The following C16orf96 variants were observed in gnomAD, a reference collection of about 807,000 sequenced individuals.
C16orf96 encodes the protein uncharacterized protein C16orf96.
C16orf96 carries 108 observed loss-of-function variants against 103.6 expected under a neutral mutation model. The observed-to-expected ratio is 1.04, with a 90% confidence interval of 0.89 to 1.22. The LOEUF is 1.22. C16orf96 is among the 50% of genes most tolerant of loss of function. The probability of loss-of-function intolerance (pLI) is 0.00; values close to 1 mark genes in which losing one functional copy is unlikely to be tolerated. For synonymous variants in C16orf96, 566 were observed against 593.5 expected (o/e 0.95, Z 0.67); for missense variants, 1,586 against 1,464.2 (o/e 1.08, Z -1.36).
intron 9 of C16orf96, among the ~76,000 whole-genome samples, chr16:4,591,370 C>T (rs894957376): frequency 8.6e-5 from 13 of 152,032 alleles, no homozygotes; most frequent in Non-Finnish European, 1.8e-4. Context: ...TGTCTCAGAC[C>T]GCCCAGCCTG....
At position 4,577,261 on chromosome 16, in the gene C16orf96, G is replaced by C. The variant is rs570828384; in HGVS notation, c.2155+626G>C. 3.3e-5 allele frequency among the ~76,000 whole-genome samples: 5 copies of C among 152,332 alleles called. No homozygotes were observed. The South Asian group carries it at 1.0e-3, about 32-fold the overall frequency. ...AACAGTATTGTATTGGCTAAGCATG[G>C]TGACTCATGCCTGTAATCTTAGCAC... On this transcript the variant is annotated intron_variant, in intron 5 of 15. Coordinates refer to ENST00000444310, the MANE Select transcript of C16orf96 (RefSeq NM_001145011.2).
chr16:4,599,076 G>A (rs1387560438), intron 14 of C16orf96, among the ~76,000 whole-genome samples: 1 of 151,560 alleles, frequency 6.6e-6, no homozygotes, highest in East Asian at 1.9e-4. Context: ...TCCAGCCTAG[G>A]TGACAGAGCG....
intron 14 of C16orf96, among the ~76,000 whole-genome samples, chr16:4,599,001 C>T (rs568815225): frequency 1.3e-5 from 2 of 151,888 alleles, no homozygotes; most frequent in African/African-American, 4.8e-5. Context: ...CACCTGTAGT[C>T]CCAGCTACTC....
At position 4,580,319 on chromosome 16, in the gene C16orf96, C is replaced by CCA. The variant is rs371005389; in HGVS notation, c.2352+194_2352+195insCA. ...GCAAACGAATCCCACCACCCCCCCC[C>CCA]ACCCATATAAACAGAAGGGCCGGGA... On this transcript the variant is annotated intron_variant, in intron 7 of 15. Coordinates refer to ENST00000444310, the MANE Select transcript of C16orf96 (RefSeq NM_001145011.2). Among the ~76,000 whole-genome samples the CCA allele has an allele frequency of 9.7e-5, 13 of 134,596 alleles. No homozygotes were observed. The East Asian group carries it at 1.7e-3, about 17-fold the overall frequency. The allele number at this position is 134,596 out of a possible 152,430, so 88.3% of individuals were successfully genotyped here. A position where few individuals can be genotyped will look rare whatever the true frequency, so the allele number is the denominator to read the frequency against.
intron 8 of C16orf96, 87 bp from the exon 9 acceptor site, chr16:4,588,080 G>A: frequency 7.5e-7 from 1 of 1,337,664 alleles, no homozygotes; most frequent in Non-Finnish European, 1.0e-6. Flanking sequence ...CAAACTAGAA[G>A]CATCAGACCC....
chr16:4,593,322 C>T lies in C16orf96; in HGVS notation c.2867+6C>T. 1 of 1,550,008 alleles carries T rather than the reference C, an allele frequency of 6.5e-7. No homozygotes were observed. The highest frequency in any genetic ancestry group is 8.7e-7 in the Non-Finnish European group (1 of 1,146,610). The stretch of plus-strand genomic sequence containing the variant: ...TTGCAGCGGCAACAGATGAGGTGAG[C>T]AGGATGGGCGCCCCGCAGGGAGGCC... On this transcript the variant is annotated splice_donor_region_variant and intron_variant, in intron 12 of 15. Transcript: ENST00000444310. This position sits in a 1 kb window ranked among gnomAD's most constrained non-coding sequence, Gnocchi z 4.2.
chr16:4,539,603 T>C, the C16orf96 span, among the ~76,000 whole-genome samples: 1 of 152,118 alleles, frequency 6.6e-6, no homozygotes, highest in Non-Finnish European at 1.5e-5. Flanking sequence ...AAAAATTGCT[T>C]GAACCCGAGA....
intron 7 of C16orf96, among the ~76,000 whole-genome samples, chr16:4,581,250 G>A (rs993342142): frequency 4.9e-5 from 7 of 143,930 alleles, no homozygotes; most frequent in East Asian, 2.1e-4. Flanking sequence ...CAGGAGAATC[G>A]CTTGAACCCG....
intron 1 of C16orf96, among the ~76,000 whole-genome samples, chr16:4,566,185 C>A (rs747498959): frequency 6.6e-6 from 1 of 152,142 alleles, no homozygotes; most frequent in Non-Finnish European, 1.5e-5. Context: ...GTTTTCATTT[C>A]TTTTGGGAAT....
rs562579464 is a variant in C16orf96 at position 4,557,745 on chromosome 16, C to A, written c.420+836C>A. 1.8e-3 allele frequency among the ~76,000 whole-genome samples: 270 copies of A among 152,226 alleles called. 1 individual carries two copies. Among genetic ancestry groups the A allele is most frequent in the African/African-American group, 6.1e-3 (252 of 41,528 alleles). On this transcript the variant is annotated intron_variant, in intron 1 of 15. Transcript: ENST00000444310. ...AGTGCAGTGACTCAGTCATGGCTCA[C>A]TGTAGCCTCGACCTCCCAGACTCAA...
upstream of C16orf96, among the ~76,000 whole-genome samples, chr16:4,552,656 G>A (rs1247152203): frequency 6.6e-6 from 1 of 152,064 alleles, no homozygotes; most frequent in Admixed American, 6.6e-5. Context: ...CTTGTGCATG[G>A]TGTATGTCAA....
At chr16:4,539,553 C>G in the C16orf96 span, among the ~76,000 whole-genome samples, 1 of 152,190 alleles carries the variant, frequency 6.6e-6, no homozygotes, top group South Asian at 2.1e-4. Context: ...GGTATGGTGG[C>G]ACGCACCTGT....
chr16:4,599,261 T>G (rs1897236613), intron 14 of C16orf96, 23 bp from the exon 15 acceptor site: 4 of 1,548,952 alleles, frequency 2.6e-6, no homozygotes, highest in Middle Eastern at 3.3e-4. Context: ...CACCCACACC[T>G]GTCTCTTTTC....
chr16:4,599,720 G>A (rs558187991), intron 15 of C16orf96, among the ~76,000 whole-genome samples: 21 of 152,324 alleles, frequency 1.4e-4, no homozygotes, highest in African/African-American at 3.6e-4. Flanking sequence ...ACCTCATCCC[G>A]ACTCCTGTGA....
intron 2 of C16orf96, among the ~76,000 whole-genome samples, 195 bp from the exon 3 acceptor site, chr16:4,574,514 G>GCC (rs1450517777): frequency 6.6e-6 from 1 of 152,192 alleles, no homozygotes; most frequent in African/African-American, 2.4e-5. Context: ...GAGACACTGT[G>GCC]CCCGGCCTGA....
chr16:4,587,148 C>T (rs1215876611), intron 8 of C16orf96, 35 bp downstream of exon 8: 8 of 1,523,304 alleles, frequency 5.3e-6, no homozygotes, highest in Non-Finnish European at 7.1e-6. Flanking sequence ...CTTCCCTGCT[C>T]CCCTACCCAG....
chr16:4,545,969 C>A, the C16orf96 span, among the ~76,000 whole-genome samples: 1 of 152,006 alleles, frequency 6.6e-6, no homozygotes, highest in Admixed American at 6.6e-5. Context: ...CCCGCCTCAG[C>A]CTCCCGAGTA....
At chr16:4,553,494 T>G (rs752826451), upstream of C16orf96, among the ~76,000 whole-genome samples, 23 of 151,958 alleles carry the variant, frequency 1.5e-4, no homozygotes, top group Non-Finnish European at 2.8e-4. Context: ...CACACCACCA[T>G]GCCCAGCTAA....
At chr16:4,541,502 A>G in the C16orf96 span, among the ~76,000 whole-genome samples, 1 of 152,206 alleles carries the variant, frequency 6.6e-6, no homozygotes, top group Non-Finnish European at 1.5e-5. Context: ...TCAGCCCAGC[A>G]GGTCGAGGCT....
Sources: allele counts gnomAD v4.1 joint callset (sites outside exome capture counted in the v4.1 genomes callset), GRCh38; gene constraint gnomAD v4.1.1; non-coding constraint Gnocchi (gnomAD v3.1); transcripts MANE v1.5; gene names NCBI Gene and HGNC (gene_info 2026-07-23, HGNC 2026-07-21).